TMEM218: variants seen among roughly 807,000 people sequenced by gnomAD.
TMEM218 encodes the protein transmembrane protein 218.
In TMEM218, 8 loss-of-function variants were observed where a neutral mutation model predicts 10.0. The observed-to-expected ratio is 0.80, with a 90% confidence interval of 0.47 to 1.44. The LOEUF (loss-of-function observed/expected upper bound fraction) is 1.44, where lower values mean the gene tolerates loss of function less well. Among genes scored for constraint, TMEM218 ranks in the 40% most tolerant of loss-of-function variants. The pLI is 0.00. For missense variants in TMEM218, 110 were observed against 140.1 expected, an observed-to-expected ratio of 0.79 and a Z score of 1.08; for synonymous variants, 66 against 63.5, an observed-to-expected ratio of 1.04 and a Z score of -0.18.
intron 1 of TMEM218, among the ~76,000 whole-genome samples, chr11:125,105,511 AATT>A (rs1247059101): frequency 2.8e-4 from 43 of 152,250 alleles, no homozygotes; most frequent in African/African-American, 1.0e-3. Flanking sequence ...ATGGTGAGAA[AATT>A]ATTAAGAAAT....
chr11:125,104,906 C>T (rs1307080890), intron 1 of TMEM218: 3 of 152,158 alleles, frequency 2.0e-5, no homozygotes. Flanking sequence ...TCATTAAGTG[C>T]TATAAAAAAA....
Position 125,096,214 on chromosome 11 carries a change from A to G in TMEM218, c.*1392T>C, listed in dbSNP as rs545460127. On this transcript the variant is annotated 3_prime_UTR_variant, in exon 5 of 5. Transcript: ENST00000682305. ...AACTATACCTGGCCCTCACCAGCCC[A>G]TGACTCTCAGTGGTTACCTGTTCTC... Among the ~76,000 whole-genome samples the G allele has an allele frequency of 1.3e-5, 2 of 152,294 alleles. No individual in the cohort carries two copies. The highest frequency in any genetic ancestry group is 4.8e-5 in the African/African-American group (2 of 41,548).
At chr11:125,107,898 A>AAG (rs1249950705) in intron 1 of TMEM218, among the ~76,000 whole-genome samples, 6 of 151,066 alleles carry the variant, frequency 4.0e-5, no homozygotes, top group Non-Finnish European at 8.9e-5. Flanking sequence ...AAAAAAAAAA[A>AAG]AGAGAGAGAG....
At position 125,095,387 on chromosome 11, in the gene TMEM218, T is replaced by C. The variant is rs535322613; in HGVS notation, c.*2219A>G. ...CCTGTCTCCAAGAAGGCCATGAGCA[T>C]ACAGGGTACCATAACAGACATTGAC... On this transcript the variant is annotated 3_prime_UTR_variant, in exon 5 of 5. Transcript: ENST00000682305. Among the ~76,000 whole-genome samples the C allele has an allele frequency of 2.8e-4, 42 of 152,350 alleles. No homozygotes were observed. The highest frequency in any genetic ancestry group is 6.8e-3 in the Middle Eastern group (2 of 294).
chr11:125,099,896 C>G (rs1471677547), intron 4 of TMEM218, among the ~76,000 whole-genome samples: 2 of 148,938 alleles, frequency 1.3e-5, no homozygotes, highest in Non-Finnish European at 3.0e-5. Context: ...TGCACTCCAG[C>G]CTGGCCGACA....
chr11:125,101,561 C>A, intron 3 of TMEM218: 1 of 1,387,688 alleles, frequency 7.2e-7, no homozygotes, highest in Non-Finnish European at 9.6e-7. Flanking sequence ...TTACTTCTGC[C>A]CAAAGTCATA....
At chr11:125,102,103 AG>A (rs1404873848) in intron 3 of TMEM218, 28 bp downstream of exon 3, 3 of 1,517,880 alleles carry the variant, frequency 2.0e-6, no homozygotes, top group Non-Finnish European at 2.6e-6. Context: ...TGCTTTACCT[AG>A]GACTCCCAGT....
intron 4 of TMEM218, among the ~76,000 whole-genome samples, chr11:125,098,108 G>A (rs2276085): frequency 0.82 from 124,739 of 152,226 alleles, 51,656 homozygotes; most frequent in African/African-American, 0.96. Context: ...ATTTTATTAC[G>A]GAGAATTTTA....
intron 4 of TMEM218, among the ~76,000 whole-genome samples, chr11:125,099,616 T>C (rs886239639): frequency 5.9e-5 from 9 of 152,102 alleles, no homozygotes; most frequent in African/African-American, 2.2e-4. Context: ...CCCACATCAC[T>C]CTCCCCCTTA....
At chr11:125,105,564 G>A (rs1358152906) in intron 1 of TMEM218, among the ~76,000 whole-genome samples, 1 of 152,146 alleles carries the variant, frequency 6.6e-6, no homozygotes, top group Non-Finnish European at 1.5e-5. Flanking sequence ...CAATTTTTGA[G>A]GGGTTAAAAA....
rs1052375382 is a variant in TMEM218, at chr11:125,094,647, A to T, written c.*2959T>A. On this transcript the variant is annotated 3_prime_UTR_variant, in exon 5 of 5. Transcript: ENST00000682305. ...TGTTTCTCATCTGTAAAATAATCAC[A>T]GCAGGTTTCTTTACACATTGAGCAA... Among the ~76,000 whole-genome samples, 4 of 35,694 alleles carry T rather than the reference A, an allele frequency of 1.1e-4. No individual in the cohort carries two copies. The highest frequency in any genetic ancestry group is 4.5e-4 in the African/African-American group (2 of 4,438). The allele number at this position is 35,694 out of a possible 152,430, so 23.4% of individuals were successfully genotyped here.
rs1949777221 is a variant in TMEM218, at chr11:125,097,347, A to T, written c.*259T>A. 3.2e-6 allele frequency: 1 copy of T among 317,248 alleles called. No individual in the cohort carries two copies. Among genetic ancestry groups the T allele is most frequent in the African/African-American group, 2.1e-5 (1 of 46,994 alleles). The allele number at this position is 317,248 out of a possible 1,614,324, so 19.7% of individuals were successfully genotyped here. On this transcript the variant is annotated 3_prime_UTR_variant, in exon 5 of 5. Transcript: ENST00000682305. ...ACTGTTACTATTTCCCTTTCAAAAC[A>T]GTTGGAAATCCTAAGGTACGGGTAC...
intron 1 of TMEM218, chr11:125,110,853 G>T (rs1219448026): frequency 1.4e-5 from 2 of 144,304 alleles, no homozygotes; most frequent in Non-Finnish European, 3.1e-5. Context: ...AAAATAACGG[G>T]GGGGGGGGGT....
chr11:125,105,529 A>C (rs1951909171), intron 1 of TMEM218, among the ~76,000 whole-genome samples: 1 of 152,218 alleles, frequency 6.6e-6, no homozygotes, highest in Admixed American at 6.5e-5. Context: ...AGAAATATTG[A>C]CAGTAAAGAT....
At position 125,096,899 on chromosome 11, in the gene TMEM218, G is replaced by A. The variant is rs1007146864; in HGVS notation, c.*707C>T. The A allele has an allele frequency of 6.6e-6, 1 of 152,018 alleles. No individual in the cohort carries two copies. Among genetic ancestry groups the A allele is most frequent in the East Asian group, 1.9e-4 (1 of 5,190 alleles). 9.4% of individuals were successfully genotyped at this position (152,018 alleles called of 1,614,324 possible). A position where few individuals can be genotyped will look rare whatever the true frequency, so the allele number is the denominator to read the frequency against. The stretch of plus-strand genomic sequence containing the variant: ...ACACACAGCCCACCACATCATGGAA[G>A]AAAAAAACCTACAGATACATGGCAA... On this transcript the variant is annotated 3_prime_UTR_variant, in exon 5 of 5. Transcript: ENST00000682305.
rs936665261 is a variant in TMEM218, at chr11:125,097,543, T to C, written c.*63A>G. The C allele has an allele frequency of 9.5e-6, 15 of 1,585,940 alleles. No homozygotes were observed. Among genetic ancestry groups the C allele is most frequent in the Non-Finnish European group, 1.2e-5 (14 of 1,160,884 alleles). ...TCAAAACAAGGCTCTGAATAGTGCC[T>C]TCCTGCTCATCAATGTCATCACAAT... On this transcript the variant is annotated 3_prime_UTR_variant, in exon 5 of 5. Coordinates refer to ENST00000682305, the MANE Select transcript of TMEM218 (RefSeq NM_001258244.2).
In TMEM218 at chr11:125,096,746, G is replaced by A. The variant is rs796509192; in HGVS notation, c.*860C>T. 19 of 152,232 alleles carry A rather than the reference G, an allele frequency of 1.2e-4. No individual in the cohort carries two copies. Among genetic ancestry groups the A allele is most frequent in the African/African-American group, 3.9e-4 (16 of 41,512 alleles). The allele number at this position is 152,232 out of a possible 1,614,324, so 9.4% of individuals were successfully genotyped here. A position where few individuals can be genotyped will look rare whatever the true frequency, so the allele number is the denominator to read the frequency against. The stretch of plus-strand genomic sequence containing the variant: ...TTTAATGCAAATTTCATTTGGTCTG[G>A]GAGATCAGACAGGTATAGAGTTATA... On this transcript the variant is annotated 3_prime_UTR_variant, in exon 5 of 5. Transcript: ENST00000682305.
intron 1 of TMEM218, among the ~76,000 whole-genome samples, chr11:125,109,216 G>C (rs575014019): frequency 2.7e-5 from 3 of 113,034 alleles, no homozygotes; most frequent in Non-Finnish European, 5.9e-5. Flanking sequence ...ACAAAAACAA[G>C]TTGCAAAATG....
At chr11:125,097,892 A>T (rs1267021551) in intron 4 of TMEM218, 152 bp from the exon 5 acceptor site, 2 of 671,180 alleles carry the variant, frequency 3.0e-6, no homozygotes, top group Non-Finnish European at 4.9e-6. Context: ...ATGAGAAAAA[A>T]GAATCTTTTC....
Sources: allele counts gnomAD v4.1 joint callset (sites outside exome capture counted in the v4.1 genomes callset), GRCh38; gene constraint gnomAD v4.1.1; transcripts MANE v1.5; gene names NCBI Gene and HGNC (gene_info 2026-07-23, HGNC 2026-07-21).